IGF1R: variants seen among roughly 807,000 people sequenced by gnomAD.
IGF1R encodes the protein insulin-like growth factor 1 receptor.
In IGF1R, 44 loss-of-function variants were observed where a neutral mutation model predicts 144.6. That is an observed-to-expected ratio of 0.30 (90% CI 0.24 to 0.39). The LOEUF is 0.39. Among genes scored for constraint, IGF1R ranks in the 10% least tolerant of loss-of-function variants. The pLI is 1.00. For synonymous variants in IGF1R, 795 were observed against 722.8 expected (o/e 1.10, Z -1.60); for missense variants, 1,355 against 1,833.7 (o/e 0.74, Z 4.77).
rs143534734 is a variant in IGF1R, at chr15:98,917,133, C to A, written c.2201+257C>A. 9.5e-3 allele frequency among the ~76,000 whole-genome samples: 1,439 copies of A among 152,256 alleles called. 16 individuals carry two copies. The highest frequency in any genetic ancestry group is 0.013 in the Non-Finnish European group (884 of 68,008). On this transcript the variant is annotated intron_variant, in intron 10 of 20. Transcript: ENST00000650285. ...CAGGTACTGCTGTCTCAGCCACAAC[C>A]CCCCACAGAGAGCAGGTGGGCACCC...
At chr15:98,739,792 A>C (rs878963232) in intron 2 of IGF1R, among the ~76,000 whole-genome samples, 10 of 152,188 alleles carry the variant, frequency 6.6e-5, no homozygotes, top group Non-Finnish European at 1.5e-4. Flanking sequence ...GGGTTTCACC[A>C]TGTTGCCCAG....
At chr15:98,807,535 A>G (rs2056496394) in intron 2 of IGF1R, among the ~76,000 whole-genome samples, 1 of 152,248 alleles carries the variant, frequency 6.6e-6, no homozygotes, top group Admixed American at 6.5e-5. Flanking sequence ...CTGAGATAGG[A>G]TAAGGACCAA....
chr15:98,961,992 G>T lies in IGF1R; in HGVS notation c.*4550G>T, dbSNP rs1246174363. The T allele has an allele frequency of 8.6e-6, 2 of 233,238 alleles. No homozygotes were observed. Among genetic ancestry groups the T allele is most frequent in the African/African-American group, 2.2e-5 (1 of 45,366 alleles). The allele number at this position is 233,238 out of a possible 1,614,324, so 14.4% of individuals were successfully genotyped here. On this transcript the variant is annotated 3_prime_UTR_variant, in exon 21 of 21. Transcript: ENST00000650285. Reference sequence around the variant, plus strand: ...CACATTGGGGTGCTTTGGGATAAAAGATTTATGAGCCAACTATTCTCTGGC... The same window carrying T: ...CACATTGGGGTGCTTTGGGATAAAATATTTATGAGCCAACTATTCTCTGGC...
rs1406470399 is a variant in IGF1R at position 98,960,132 on chromosome 15, A to G, written c.*2690A>G. The G allele has an allele frequency of 2.6e-5, 6 of 233,540 alleles. No individual in the cohort carries two copies. Among genetic ancestry groups the G allele is most frequent in the Admixed American group, 1.1e-4 (2 of 17,780 alleles). The allele number at this position is 233,540 out of a possible 1,614,324, so 14.5% of individuals were successfully genotyped here. ...ATCTCACCTTTCTCAGCACCTGACA[A>G]TAGGCCGTTGATACTGGTAACCTCA... is the stretch of plus-strand genomic sequence containing the variant. On this transcript the variant is annotated 3_prime_UTR_variant, in exon 21 of 21. Coordinates refer to ENST00000650285, the MANE Select transcript of IGF1R (RefSeq NM_000875.5).
At chr15:98,812,187 G>A (rs2056605646) in intron 2 of IGF1R, among the ~76,000 whole-genome samples, 1 of 152,150 alleles carries the variant, frequency 6.6e-6, no homozygotes, top group Non-Finnish European at 1.5e-5. Context: ...AACTCTGGGA[G>A]CCATGGCTCT....
intron 15 of IGF1R, among the ~76,000 whole-genome samples, chr15:98,932,003 C>T (rs182742780): frequency 1.5e-3 from 228 of 152,294 alleles, no homozygotes; most frequent in Non-Finnish European, 2.4e-3. Context: ...TGTGACTCTA[C>T]GAGAGAAGCT....
chr15:98,881,972 A>G (rs973166706), intron 2 of IGF1R, among the ~76,000 whole-genome samples: 2 of 152,238 alleles, frequency 1.3e-5, no homozygotes, highest in Admixed American at 1.3e-4. Context: ...AGAGATATGA[A>G]TAGTTTTTGT....
intron 2 of IGF1R, among the ~76,000 whole-genome samples, chr15:98,762,606 T>C (rs984887600): frequency 1.3e-5 from 2 of 151,798 alleles, no homozygotes; most frequent in African/African-American, 4.8e-5. Context: ...CACGTGCCTG[T>C]AATCCCAGTT....
intron 1 of IGF1R, among the ~76,000 whole-genome samples, chr15:98,699,664 A>G (rs564812939): frequency 3.0e-4 from 45 of 152,266 alleles, no homozygotes; most frequent in Non-Finnish European, 2.9e-5. Context: ...TAAAGTTTCC[A>G]TGTCTTAAGT....
In IGF1R at chr15:98,814,986, G is replaced by A. The variant is rs148505741; in HGVS notation, c.641-76339G>A. 2.9e-3 allele frequency among the ~76,000 whole-genome samples: 448 copies of A among 152,206 alleles called. 4 individuals are homozygous for A. The highest frequency in any genetic ancestry group is 0.01 in the African/African-American group (434 of 41,502). ...ATTTTTTCAGAGTAGCAGTTATAAA[G>A]TTGTTAGTTTAATCTTTTAGTTCAG... On this transcript the variant is annotated intron_variant, in intron 2 of 20. Transcript: ENST00000650285.
intron 2 of IGF1R, among the ~76,000 whole-genome samples, chr15:98,826,218 A>T (rs970865642): frequency 6.6e-6 from 1 of 152,268 alleles, no homozygotes; most frequent in Admixed American, 6.5e-5. Flanking sequence ...ACTAATACTT[A>T]TGTGCATACG....
At chr15:98,900,481 C>T (rs546585144) in intron 5 of IGF1R, 10 of 152,224 alleles carry the variant, frequency 6.6e-5, no homozygotes, top group African/African-American at 2.2e-4. Context: ...TTATCTGCCC[C>T]AACTGGATAA....
intron 2 of IGF1R, among the ~76,000 whole-genome samples, chr15:98,864,469 G>C (rs1464051496): frequency 6.6e-6 from 1 of 152,214 alleles, no homozygotes. Context: ...TGGAGCAGGA[G>C]CCTCAACCTC....
In IGF1R at chr15:98,956,867, G is replaced by C. The variant is rs529631039; in HGVS notation, c.3723-194G>C. On this transcript the variant is annotated intron_variant, in intron 20 of 20. Coordinates refer to ENST00000650285, the MANE Select transcript of IGF1R (RefSeq NM_000875.5). ...CTGGGGGAAGAGAATGGAACCGTAC[G>C]AGGTAAAACAGGAGACTCTGAAGGC... Among the ~76,000 whole-genome samples, 5 of 152,152 alleles carry C rather than the reference G, an allele frequency of 3.3e-5. No individual in the cohort carries two copies. The South Asian group carries it at 6.2e-4, about 19-fold the overall frequency.
intron 5 of IGF1R, among the ~76,000 whole-genome samples, chr15:98,907,151 G>T (rs1596426740): frequency 6.6e-6 from 1 of 152,184 alleles, no homozygotes; most frequent in Admixed American, 6.5e-5. Flanking sequence ...GGCATTTCTG[G>T]TCCTGGGTCC....
chr15:98,839,144 CT>C (rs1283762614), intron 2 of IGF1R, among the ~76,000 whole-genome samples: 1 of 152,234 alleles, frequency 6.6e-6, no homozygotes, highest in African/African-American at 2.4e-5. Flanking sequence ...TCATTCAGCC[CT>C]TACTCTATGC....
At chr15:98,780,669 A>G (rs1164255787) in intron 2 of IGF1R, among the ~76,000 whole-genome samples, 1 of 152,112 alleles carries the variant, frequency 6.6e-6, no homozygotes, top group African/African-American at 2.4e-5. Flanking sequence ...TTTCCTATTT[A>G]CAGATGAAAT....
intron 2 of IGF1R, among the ~76,000 whole-genome samples, chr15:98,819,124 G>T (rs926969516): frequency 3.5e-4 from 53 of 152,220 alleles, no homozygotes; most frequent in African/African-American, 1.0e-3. Flanking sequence ...GACATCCAGG[G>T]GGGGCAAGCT....
At chr15:98,855,519 A>C (rs958349660) in intron 2 of IGF1R, among the ~76,000 whole-genome samples, 6 of 152,226 alleles carry the variant, frequency 3.9e-5, no homozygotes, top group Non-Finnish European at 8.8e-5. Flanking sequence ...AATTATGTAG[A>C]ATCACTAGGG....
Sources: allele counts gnomAD v4.1 joint callset (sites outside exome capture counted in the v4.1 genomes callset), GRCh38; gene constraint gnomAD v4.1.1; transcripts MANE v1.5; gene names NCBI Gene and HGNC (gene_info 2026-07-23, HGNC 2026-07-21).